The following NUP205 variants were observed in gnomAD, a reference collection of about 807,000 sequenced individuals.
NUP205 encodes the protein nucleoporin 205, also known as nuclear pore complex protein Nup205.
Under a neutral mutation model 253.8 loss-of-function variants are expected in NUP205, and 76 were observed. The observed-to-expected ratio is 0.30, with a 90% CI of 0.25 to 0.36. The LOEUF (loss-of-function observed/expected upper bound fraction) is 0.36, where lower values mean the gene tolerates loss of function less well. NUP205 is among the 10% of genes least tolerant of loss of function. The pLI is 1.00. For synonymous variants in NUP205, 832 were observed against 850.1 expected (o/e 0.98, Z 0.37); for missense variants, 2,162 against 2,425.5 (o/e 0.89, Z 2.28).
chr7:135,646,123 GC>G (rs1795003968), intron 41 of NUP205, 34 bp from the exon 42 acceptor site: 3 of 1,423,926 alleles, frequency 2.1e-6, no homozygotes, highest in Non-Finnish European at 3.0e-6. Context: ...ATAGGTACTT[GC>G]ACAGCCGGTA....
chr7:135,584,992 A>G lies in NUP205; in HGVS notation c.1203A>G (p.Ala401=). 3 of 1,611,216 alleles carry G rather than the reference A, an allele frequency of 1.9e-6. No individual in the cohort carries two copies. The highest frequency in any genetic ancestry group is 2.5e-6 in the Non-Finnish European group (3 of 1,177,578). ...RVHNLITDFL[A]LMPMKVKQLR... ...ATAATCTCATCACAGATTTCCTTGC[A>G]CTTATGCCAATGAAGGTAAGTGTAA... Residue 401 remains alanine, a synonymous_variant, in exon 8 of 43, where the codon GCA becomes GCG. Coordinates refer to ENST00000285968, the MANE Select transcript of NUP205 (RefSeq NM_015135.3).
At chr7:135,620,358 A>T in intron 30 of NUP205, among the ~76,000 whole-genome samples, 1 of 152,152 alleles carries the variant, frequency 6.6e-6, no homozygotes, top group East Asian at 1.9e-4. Context: ...ATATGGTGAA[A>T]CCCCATCTCT....
At chr7:135,647,275 A>T (rs1268534798) in intron 42 of NUP205, among the ~76,000 whole-genome samples, 1 of 152,162 alleles carries the variant, frequency 6.6e-6, no homozygotes, top group Non-Finnish European at 1.5e-5. Context: ...GCTCCTCCCA[A>T]ATCCCTCTTT....
In NUP205 at chr7:135,602,757, G is replaced by A. The variant is rs752799427; in HGVS notation, c.2513-48G>A. The A allele has an allele frequency of 2.1e-6, 3 of 1,442,880 alleles. No individual in the cohort carries two copies. In the African/African-American group the frequency reaches 4.3e-5, roughly 21 times the overall value. 89.4% of individuals were successfully genotyped at this position (1,442,880 alleles called of 1,614,324 possible). A position where few individuals can be genotyped will look rare whatever the true frequency, so the allele number is the denominator to read the frequency against. ...TTGTTTTCCTAAGAATTGACTGTGA[G>A]TTTTTAAGATAAATTTAGAACTTTC... On this transcript the variant is annotated intron_variant, in intron 17 of 42. Coordinates refer to ENST00000285968, the MANE Select transcript of NUP205 (RefSeq NM_015135.3).
At position 135,616,656 on chromosome 7, in the gene NUP205, T is replaced by C. The variant is rs754832473; in HGVS notation, c.3462T>C (p.Asp1154=). 17 of 1,541,402 alleles carry C rather than the reference T, an allele frequency of 1.1e-5. No homozygotes were observed. The highest frequency in any genetic ancestry group is 2.0e-4 in the Middle Eastern group (1 of 5,074). Reference sequence around the variant, plus strand: ...TCAATATTATTGATATTCCAACAGATGGTGAAGGAGGAATAGAAGATGAAA... The same window carrying C: ...TCAATATTATTGATATTCCAACAGACGGTGAAGGAGGAATAGAAGATGAAA... ...LDDMPVKPYS[D]GEGGIEDENR... Residue 1154 remains aspartate (D), a splice_region_variant and synonymous_variant, in exon 25 of 43, where the codon GAT becomes GAC. Transcript: ENST00000285968.
At chr7:135,613,169 T>C (rs181741509) in intron 22 of NUP205, among the ~76,000 whole-genome samples, 2 of 152,122 alleles carry the variant, frequency 1.3e-5, no homozygotes, top group Admixed American at 1.3e-4. Flanking sequence ...TGAAAACAGA[T>C]GGACATTTTT....
Position 135,598,211 on chromosome 7 carries a change from A to G in NUP205, c.2274+4A>G, listed in dbSNP as rs1584662777. 6.2e-7 allele frequency: 1 copy of G among 1,612,196 alleles called. No homozygotes were observed. The highest frequency in any genetic ancestry group is 2.2e-5 in the East Asian group (1 of 44,864). ...TTACCGGAGAGCAGCTGAAAAGGTTATGTTCAGAGAAAAGCTTTTTTCTCC... is the reference window on the plus strand; with the variant it reads ...TTACCGGAGAGCAGCTGAAAAGGTTGTGTTCAGAGAAAAGCTTTTTTCTCC... On this transcript the variant is annotated splice_donor_region_variant and intron_variant, in intron 15 of 42. Coordinates refer to ENST00000285968, the MANE Select transcript of NUP205 (RefSeq NM_015135.3).
chr7:135,588,826 G>A lies in NUP205; in HGVS notation c.1473+834G>A, dbSNP rs373384898. 1.3e-5 allele frequency among the ~76,000 whole-genome samples: 2 copies of A among 151,458 alleles called. 1 individual carries two copies. Among genetic ancestry groups the A allele is most frequent in the African/African-American group, 4.9e-5 (2 of 41,152 alleles). ...TTAATTGATGGCAAAATGCCTATGA[G>A]TCTGTAGATAATACAGGCAAAAATT... On this transcript the variant is annotated intron_variant, in intron 10 of 42. Transcript: ENST00000285968.
intron 7 of NUP205, among the ~76,000 whole-genome samples, chr7:135,582,349 G>A (rs1042069605): frequency 1.3e-5 from 2 of 152,146 alleles, no homozygotes; most frequent in Non-Finnish European, 2.9e-5. Flanking sequence ...TTGAATTCAA[G>A]TAAAGGTTTG....
intron 1 of NUP205, 76 bp from the exon 2 acceptor site, chr7:135,571,029 G>C: frequency 1.7e-6 from 2 of 1,146,172 alleles, no homozygotes; most frequent in Non-Finnish European, 2.4e-6. Context: ...TAACTAAAAT[G>C]TGTGGATGGT....
chr7:135,626,872 C>T (rs1029528510), intron 33 of NUP205, among the ~76,000 whole-genome samples: 4 of 152,068 alleles, frequency 2.6e-5, no homozygotes, highest in African/African-American at 9.7e-5. Context: ...TACATGACTG[C>T]AGCATTGTTA....
chr7:135,626,264 A>G lies in NUP205; in HGVS notation c.4696A>G (p.Ile1566Val). ...KMAFLTRVAK[I>V]QQGALELLRS... ...GGCATTTCTCACAAGAGTGGCAAAG[A>G]TACAGCAGGGTGCATTAGAGCTGCT... Residue 1566 changes from isoleucine to valine, a missense_variant, in exon 33 of 43, where the codon ATA becomes GTA. Coordinates refer to ENST00000285968, the MANE Select transcript of NUP205 (RefSeq NM_015135.3). 6.2e-7 allele frequency: 1 copy of G among 1,614,162 alleles called. No homozygotes were observed.
intron 10 of NUP205, among the ~76,000 whole-genome samples, chr7:135,590,974 TAAG>T (rs960010301): frequency 6.6e-6 from 1 of 152,190 alleles, no homozygotes; most frequent in African/African-American, 2.4e-5. Flanking sequence ...AAGGGAAAAT[TAAG>T]AAATAGACTT....
intron 12 of NUP205, 73 bp from the exon 13 acceptor site, chr7:135,594,474 A>G: frequency 8.3e-7 from 1 of 1,206,916 alleles, no homozygotes; most frequent in South Asian, 1.5e-5. Flanking sequence ...AATGATAGCA[A>G]TTTAGATGAT....
chr7:135,592,902 A>T, intron 11 of NUP205, 85 bp from the exon 12 acceptor site: 1 of 1,026,946 alleles, frequency 9.7e-7, no homozygotes, highest in African/African-American at 1.6e-5. Flanking sequence ...AAAAAAGTAT[A>T]TTGTTTTAAA....
rs773357748 is a variant in NUP205, at chr7:135,591,552, T to C, written c.1576T>C (p.Cys526Arg). 5 of 1,613,928 alleles carry C rather than the reference T, an allele frequency of 3.1e-6. No individual in the cohort carries two copies. Among genetic ancestry groups the C allele is most frequent in the African/African-American group, 1.3e-5 (1 of 75,064 alleles). The change falls in exon 11 of 43, where the codon TGT (cysteine) becomes CGT (arginine). Residue 526 changes from cysteine (C) to arginine (R), a missense_variant. Cys to Arg is a radical substitution (Grantham distance 180). Transcript: ENST00000285968. ...MLQGLANGPQ[C>R]AHYCFSLLKV... ...CCAGGGATTGGCCAATGGGCCTCAG[T>C]GTGCCCACTACTGTTTCAGCCTGCT...
intron 30 of NUP205, 105 bp from the exon 31 acceptor site, chr7:135,622,672 T>G (rs1231474047): frequency 7.9e-6 from 5 of 634,084 alleles, no homozygotes; most frequent in Admixed American, 3.9e-5. Context: ...TTTTGTTGCG[T>G]TTTTTTTTTT....
chr7:135,612,551 A>G (rs73725192), intron 22 of NUP205, among the ~76,000 whole-genome samples: 5,192 of 152,306 alleles, frequency 0.034, 116 homozygotes, highest in Middle Eastern at 0.1. Flanking sequence ...ACAAAAATGC[A>G]AAAAACGTGG....
At chr7:135,632,007 A>G (rs148659117) in intron 35 of NUP205, among the ~76,000 whole-genome samples, 110 of 152,096 alleles carry the variant, frequency 7.2e-4, no homozygotes, top group African/African-American at 1.9e-3. Flanking sequence ...GGCCTCCCAA[A>G]GTGCTGGGAT....
Sources: gnomAD v4.1 joint callset for allele counts (sites outside exome capture counted in the v4.1 genomes callset) on GRCh38, gnomAD v4.1.1 for gene constraint, MANE v1.5 for transcripts, NCBI Gene and HGNC (gene_info 2026-07-23, HGNC 2026-07-21) for gene names.